The following LRRC4C variants were observed in gnomAD, a reference collection of about 807,000 sequenced individuals.
The protein encoded by LRRC4C is leucine rich repeat containing 4C.
LRRC4C carries 5 observed loss-of-function variants against 33.6 expected under a neutral mutation model. The observed-to-expected ratio is 0.15, with a 90% CI of 0.08 to 0.31. LRRC4C has a LOEUF of 0.31. LRRC4C is among the 10% of genes least tolerant of loss of function. The pLI, the probability that LRRC4C is intolerant of heterozygous loss-of-function variation, is 1.00. For missense variants in LRRC4C, 560 were observed against 796.7 expected (o/e 0.70, Z 3.58); for synonymous variants, 329 against 302.0 (o/e 1.09, Z -0.93).
chr11:41,378,467 A>C (rs1303937969), intron 1 of LRRC4C, among the ~76,000 whole-genome samples: 1 of 152,150 alleles, frequency 6.6e-6, no homozygotes, highest in African/African-American at 2.4e-5. Context: ...TTCTAAAAGC[A>C]GCTTTATTTT....
chr11:40,201,645 C>G (rs1862761815), intron 5 of LRRC4C, among the ~76,000 whole-genome samples: 2 of 152,168 alleles, frequency 1.3e-5, no homozygotes, highest in South Asian at 4.2e-4. Context: ...TAAGAATGAC[C>G]CATAGAACTC....
intron 1 of LRRC4C, among the ~76,000 whole-genome samples, chr11:40,967,657 G>A (rs1399056401): frequency 1.3e-5 from 2 of 151,684 alleles, no homozygotes; most frequent in African/African-American, 2.4e-5. Flanking sequence ...TTGTTTTGTA[G>A]CACCACAAAT....
At chr11:40,941,735 T>A (rs1958155964) in intron 1 of LRRC4C, among the ~76,000 whole-genome samples, 1 of 152,164 alleles carries the variant, frequency 6.6e-6, no homozygotes. Context: ...TTTATACAAA[T>A]ATTTATTAAA....
chr11:40,514,276 A>G (rs78981640), intron 3 of LRRC4C, among the ~76,000 whole-genome samples: 3,406 of 152,280 alleles, frequency 0.022, 53 homozygotes, highest in Non-Finnish European at 0.032. Flanking sequence ...CAATAAGTCA[A>G]TAAGATGATG....
rs1554954932 is a variant in LRRC4C at position 40,140,867 on chromosome 11, A to AG, written c.-95-15_-95-14insC. On this transcript the variant is annotated splice_polypyrimidine_tract_variant and intron_variant, in intron 5 of 6. Coordinates refer to ENST00000528697, the MANE Select transcript of LRRC4C (RefSeq NM_001258419.2). ...GCGTTTGCCAATCTAAAAAAAAAAAAAAAAGAAAAGAAAAGAAAAAAAAGC... is the reference window on the plus strand; with the variant it reads ...GCGTTTGCCAATCTAAAAAAAAAAAAGAAAAGAAAAGAAAAGAAAAAAAAGC... 1 of 152,096 alleles carries AG rather than the reference A, an allele frequency of 6.6e-6. No homozygotes were observed. Among genetic ancestry groups the AG allele is most frequent in the Non-Finnish European group, 1.5e-5 (1 of 67,972 alleles). The allele number at this position is 152,096 out of a possible 1,614,324, so 9.4% of individuals were successfully genotyped here.
intron 4 of LRRC4C, among the ~76,000 whole-genome samples, chr11:40,248,003 T>C (rs1258200596): frequency 6.6e-6 from 1 of 152,208 alleles, no homozygotes; most frequent in East Asian, 1.9e-4. Context: ...AGAGTGATGT[T>C]AACCTCATTT....
intron 1 of LRRC4C, among the ~76,000 whole-genome samples, chr11:41,385,095 TAG>T (rs1314945388): frequency 7.9e-5 from 12 of 151,160 alleles, no homozygotes; most frequent in African/African-American, 2.9e-4. Context: ...AGATATAATA[TAG>T]AGAGATTATA....
intron 1 of LRRC4C, among the ~76,000 whole-genome samples, chr11:41,416,343 AC>A (rs1954679837): frequency 6.6e-6 from 1 of 151,980 alleles, no homozygotes; most frequent in Admixed American, 6.6e-5. Flanking sequence ...ATCACTATAA[AC>A]CATATTATCA....
intron 1 of LRRC4C, among the ~76,000 whole-genome samples, chr11:41,132,732 T>C (rs1380728558): frequency 6.6e-6 from 1 of 152,168 alleles, no homozygotes; most frequent in Non-Finnish European, 1.5e-5. Context: ...TTGTGTCTTA[T>C]TGCTTTTAAA....
intron 2 of LRRC4C, among the ~76,000 whole-genome samples, chr11:40,927,623 T>C (rs1025791929): frequency 6.6e-6 from 1 of 152,224 alleles, no homozygotes; most frequent in Admixed American, 6.5e-5. Context: ...GAAAGGATTC[T>C]AGTCCTTTGC....
chr11:40,177,826 C>A (rs955056532), intron 5 of LRRC4C, among the ~76,000 whole-genome samples: 1 of 152,078 alleles, frequency 6.6e-6, no homozygotes, highest in Admixed American at 6.6e-5. Context: ...AAGAACAGAT[C>A]TTTGTCTGTA....
At chr11:40,735,994 A>T (rs1947846138) in intron 2 of LRRC4C, among the ~76,000 whole-genome samples, 1 of 142,096 alleles carries the variant, frequency 7.0e-6, no homozygotes, top group Admixed American at 6.9e-5. Context: ...TCGCCCACTT[A>T]TTGATGGGGT....
At chr11:40,398,988 A>G (rs1413720221) in intron 3 of LRRC4C, among the ~76,000 whole-genome samples, 1 of 152,076 alleles carries the variant, frequency 6.6e-6, no homozygotes, top group African/African-American at 2.4e-5. Flanking sequence ...TAATTAACAT[A>G]CTGGTGAACA....
chr11:40,729,021 T>C (rs1424638476), intron 2 of LRRC4C, among the ~76,000 whole-genome samples: 1 of 152,112 alleles, frequency 6.6e-6, no homozygotes, highest in East Asian at 1.9e-4. Context: ...AAAAATTTTC[T>C]ATTGAATATT....
rs555600247 is a variant in LRRC4C at position 41,082,232 on chromosome 11, C to T, written c.-495-148509G>A. 1.4e-4 allele frequency among the ~76,000 whole-genome samples: 22 copies of T among 152,176 alleles called. 1 individual carries two copies. The highest frequency in any genetic ancestry group is 1.4e-3 in the Admixed American group (22 of 15,276). ...AATCAGCTTCTATAGAAACGCATCT[C>T]AGAGACACGATATACGTGAATGTTG... On this transcript the variant is annotated intron_variant, in intron 1 of 6. Transcript: ENST00000528697.
intron 1 of LRRC4C, among the ~76,000 whole-genome samples, chr11:41,339,128 CAT>C (rs1283226654): frequency 3.3e-5 from 5 of 152,102 alleles, no homozygotes; most frequent in Non-Finnish European, 7.4e-5. Context: ...TGCTATCAAA[CAT>C]AGGGAAAGTA....
intron 3 of LRRC4C, among the ~76,000 whole-genome samples, chr11:40,609,808 A>G (rs1450135431): frequency 6.6e-6 from 1 of 151,926 alleles, no homozygotes. Flanking sequence ...AAATTAATAG[A>G]TTCCTAGAAA....
rs530238921 is a variant in LRRC4C at position 40,655,526 on chromosome 11, A to G, written c.-406-7248T>C. Among the ~76,000 whole-genome samples, 30 of 152,348 alleles carry G rather than the reference A, an allele frequency of 2.0e-4. No homozygotes were observed. The South Asian group carries it at 5.6e-3, about 28-fold the overall frequency. ...TAACAGAAGGAAAATACTAGAAGAG[A>G]TCTTGGTGGTAAAAGTTTTGCAAAC... On this transcript the variant is annotated intron_variant, in intron 2 of 6. Coordinates refer to ENST00000528697, the MANE Select transcript of LRRC4C (RefSeq NM_001258419.2).
intron 2 of LRRC4C, among the ~76,000 whole-genome samples, chr11:40,711,233 G>C (rs554821607): frequency 1.3e-5 from 2 of 152,232 alleles, no homozygotes; most frequent in South Asian, 4.1e-4. Context: ...AGATGAACCA[G>C]GTACCTCAGT....
Sources: gnomAD v4.1 joint callset for allele counts (sites outside exome capture counted in the v4.1 genomes callset) on GRCh38, gnomAD v4.1.1 for gene constraint, MANE v1.5 for transcripts, NCBI Gene and HGNC (gene_info 2026-07-23, HGNC 2026-07-21) for gene names.